Variants in MMS22L observed in about 807,000 individuals in gnomAD.
The protein encoded by MMS22L is protein MMS22-like.
Under a neutral mutation model 159.1 loss-of-function variants are expected in MMS22L, and 74 were observed. That is an observed-to-expected ratio of 0.47 (90% CI 0.39 to 0.56). The LOEUF is 0.56. MMS22L is among the 20% of genes least tolerant of loss of function. The probability of loss-of-function intolerance (pLI) is 0.00; values close to 1 mark genes in which losing one functional copy is unlikely to be tolerated. For synonymous variants in MMS22L, 517 were observed against 506.9 expected, an observed-to-expected ratio of 1.02 and a Z score of -0.27; for missense variants, 1,351 against 1,422.1, an observed-to-expected ratio of 0.95 and a Z score of 0.80.
chr6:97,186,481 A>G lies in MMS22L; in HGVS notation c.2233+16T>C. 8 of 1,598,512 alleles carry G rather than the reference A, an allele frequency of 5.0e-6. No individual in the cohort carries two copies. The highest frequency in any genetic ancestry group is 6.8e-6 in the Non-Finnish European group (8 of 1,173,486). Reference sequence around the variant, plus strand: ...CTGCAAAAAGAGAAATTAGCAAATTAATAATTAATGCTGACCTGCAGCTGC... The same window carrying G: ...CTGCAAAAAGAGAAATTAGCAAATTGATAATTAATGCTGACCTGCAGCTGC... On this transcript the variant is annotated intron_variant, in intron 15 of 24. Coordinates refer to ENST00000683635, the MANE Select transcript of MMS22L (RefSeq NM_001350599.2).
At chr6:97,236,680 G>A (rs1031959342) in intron 11 of MMS22L, among the ~76,000 whole-genome samples, 3 of 151,832 alleles carry the variant, frequency 2.0e-5, no homozygotes, top group Non-Finnish European at 2.9e-5. Context: ...GGCCGGGCAC[G>A]GTGGCTCACA....
At chr6:97,196,522 T>C (rs184343270) in intron 14 of MMS22L, among the ~76,000 whole-genome samples, 453 of 152,270 alleles carry the variant, frequency 3.0e-3, no homozygotes, top group Non-Finnish European at 5.4e-3. Context: ...AATGTAACTA[T>C]AGTATTGATA....
intron 18 of MMS22L, 130 bp downstream of exon 18, chr6:97,178,313 T>A (rs1414837305): frequency 5.0e-5 from 33 of 662,022 alleles, no homozygotes; most frequent in Non-Finnish European, 7.7e-5. Context: ...AACTTTATAA[T>A]AGCAGGCAAT....
chr6:97,164,745 T>A (rs994443887), intron 21 of MMS22L, among the ~76,000 whole-genome samples: 2 of 151,996 alleles, frequency 1.3e-5, no homozygotes, highest in African/African-American at 2.4e-5. Context: ...GCCTCCTGAG[T>A]AGCTGGGATT....
chr6:97,227,435 T>G (rs778255198), intron 14 of MMS22L, among the ~76,000 whole-genome samples: 3 of 152,196 alleles, frequency 2.0e-5, no homozygotes, highest in Non-Finnish European at 4.4e-5. Context: ...CAGACAGATA[T>G]ATAGAGACAA....
At chr6:97,192,119 A>G (rs549753945) in intron 14 of MMS22L, among the ~76,000 whole-genome samples, 25 of 152,116 alleles carry the variant, frequency 1.6e-4, no homozygotes, top group Admixed American at 5.9e-4. Context: ...ACCCCAGTAC[A>G]TCTGTGTGTC....
chr6:97,189,944 C>A (rs1805696610), intron 14 of MMS22L, among the ~76,000 whole-genome samples: 1 of 151,982 alleles, frequency 6.6e-6, no homozygotes. Flanking sequence ...ACAGGAAATG[C>A]CAAGAGTGCA....
intron 19 of MMS22L, among the ~76,000 whole-genome samples, chr6:97,172,834 G>A (rs1268712561): frequency 1.3e-5 from 2 of 152,026 alleles, no homozygotes; most frequent in Non-Finnish European, 2.9e-5. Flanking sequence ...TTTCTGTATT[G>A]ATCATAATTT....
chr6:97,157,095 G>A (rs1801936969), intron 22 of MMS22L, among the ~76,000 whole-genome samples: 1 of 151,762 alleles, frequency 6.6e-6, no homozygotes, highest in Admixed American at 6.6e-5. Flanking sequence ...TTGTGAATGG[G>A]AGTTCACTCA....
chr6:97,190,806 TAG>T (rs887672005), intron 14 of MMS22L, among the ~76,000 whole-genome samples: 3 of 152,190 alleles, frequency 2.0e-5, no homozygotes, highest in Admixed American at 6.5e-5. Flanking sequence ...CTGTTTTCTT[TAG>T]AGTCAAGAAC....
chr6:97,276,518 ACT>A (rs974815373), intron 4 of MMS22L, among the ~76,000 whole-genome samples: 21 of 152,064 alleles, frequency 1.4e-4, no homozygotes, highest in African/African-American at 5.1e-4. Flanking sequence ...TAAAAATCAT[ACT>A]CTCTGTCATG....
intron 3 of MMS22L, among the ~76,000 whole-genome samples, chr6:97,280,613 C>T (rs72936661): frequency 0.061 from 9,212 of 152,098 alleles, 382 homozygotes; most frequent in Non-Finnish European, 0.092. Context: ...CGCGCCTGGC[C>T]GTCCTCATCG....
intron 14 of MMS22L, among the ~76,000 whole-genome samples, chr6:97,197,052 A>C (rs529836188): frequency 6.6e-6 from 1 of 152,194 alleles, no homozygotes; most frequent in Admixed American, 6.5e-5. Context: ...CCTGAAGTTA[A>C]CACACACAAA....
chr6:97,185,839 C>T (rs1486184262), intron 15 of MMS22L, among the ~76,000 whole-genome samples: 1 of 152,074 alleles, frequency 6.6e-6, no homozygotes, highest in East Asian at 1.9e-4. Flanking sequence ...ATACTAATCA[C>T]TGTCTATTCC....
At position 97,208,851 on chromosome 6, in the gene MMS22L, C is replaced by T. The variant is rs148415637; in HGVS notation, c.2039+20043G>A. On this transcript the variant is annotated intron_variant, in intron 14 of 24. Coordinates refer to ENST00000683635, the MANE Select transcript of MMS22L (RefSeq NM_001350599.2). ...AATCTGGTATAACTTTCTACTGGAG[C>T]ATGTATCCTCTGCATTCATCAGACT... Among the ~76,000 whole-genome samples the T allele has an allele frequency of 2.0e-5, 3 of 152,156 alleles. No homozygotes were observed. In the South Asian group the frequency reaches 6.2e-4, roughly 32 times the overall value.
At chr6:97,182,183 A>C in intron 15 of MMS22L, 129 bp from the exon 16 acceptor site, 1 of 732,070 alleles carries the variant, frequency 1.4e-6, no homozygotes, top group Non-Finnish European at 2.1e-6. Flanking sequence ...TGTTCTACTT[A>C]GAAATGTAGA....
intron 4 of MMS22L, among the ~76,000 whole-genome samples, chr6:97,275,132 T>C (rs910302742): frequency 5.9e-5 from 9 of 152,210 alleles, no homozygotes; most frequent in African/African-American, 1.9e-4. Flanking sequence ...ACAATGTTCA[T>C]CTAACAATAA....
chr6:97,149,942 C>A lies in MMS22L; in HGVS notation c.3561G>T (p.Gln1187His). 1 of 1,613,648 alleles carries A rather than the reference C, an allele frequency of 6.2e-7. No individual in the cohort carries two copies. The highest frequency in any genetic ancestry group is 8.5e-7 in the Non-Finnish European group (1 of 1,179,756). ...TAGAAATCAAGTGGATGACAACCTG[C>A]TGGTCCAATGTTGCTACTGTTTCTA... is the stretch of plus-strand genomic sequence containing the variant. ...SILETVATLD[Q>H]QVVIHLISTL... Residue 1187 changes from glutamine to histidine, a missense_variant, in exon 24 of 25, where the codon CAG (glutamine) becomes CAT (histidine). Physicochemically the swap from Gln to His is conservative, Grantham distance 24 (BLOSUM62 0). Transcript: ENST00000683635.
intron 23 of MMS22L, among the ~76,000 whole-genome samples, chr6:97,150,963 C>T (rs960919379): frequency 6.6e-6 from 1 of 152,168 alleles, no homozygotes; most frequent in Non-Finnish European, 1.5e-5. Context: ...TTCTTATGAA[C>T]AATAGATCTA....
Sources: allele counts gnomAD v4.1 joint callset (sites outside exome capture counted in the v4.1 genomes callset), GRCh38; gene constraint gnomAD v4.1.1; transcripts MANE v1.5; gene names NCBI Gene and HGNC (gene_info 2026-07-23, HGNC 2026-07-21).